Variants in TAFA1 observed in about 807,000 individuals in gnomAD.
TAFA1 encodes TAFA chemokine like family member 1, also known as chemokine-like protein TAFA-1.
In TAFA1, 4 loss-of-function variants were observed where a neutral mutation model predicts 18.5. That is an observed-to-expected ratio of 0.22 (90% CI 0.11 to 0.49). The LOEUF is 0.49. Ranked by LOEUF, TAFA1 falls within the 20% of genes least tolerant of loss-of-function variation. TAFA1 has a pLI of 0.98. For missense variants in TAFA1, 147 were observed against 169.0 expected (o/e 0.87, Z 0.72); for synonymous variants, 56 against 55.2 (o/e 1.01, Z -0.06).
At chr3:68,104,785 C>G (rs1311682143) in intron 2 of TAFA1, among the ~76,000 whole-genome samples, 1 of 152,110 alleles carries the variant, frequency 6.6e-6, no homozygotes, top group East Asian at 1.9e-4. Flanking sequence ...TTAGGGCATG[C>G]AAAGACTGAA....
At chr3:68,486,652 C>T (rs192358126) in intron 3 of TAFA1, among the ~76,000 whole-genome samples, 114 of 152,308 alleles carry the variant, frequency 7.5e-4, no homozygotes, top group Admixed American at 1.2e-3. Flanking sequence ...CAATACAAGA[C>T]ATATAGCAAA....
chr3:68,544,131 C>T (rs2073420150), intron 4 of TAFA1, among the ~76,000 whole-genome samples: 1 of 151,984 alleles, frequency 6.6e-6, no homozygotes, highest in Non-Finnish European at 1.5e-5. Flanking sequence ...CTCAAGATGG[C>T]AACAGAAGAA....
At chr3:68,373,765 T>G (rs1195460811) in intron 2 of TAFA1, among the ~76,000 whole-genome samples, 1 of 152,204 alleles carries the variant, frequency 6.6e-6, no homozygotes, top group African/African-American at 2.4e-5. Context: ...AATCTTAATT[T>G]GAGACCAGAT....
At chr3:68,470,541 A>T (rs115677174) in intron 3 of TAFA1, among the ~76,000 whole-genome samples, 1 of 152,264 alleles carries the variant, frequency 6.6e-6, no homozygotes, top group Non-Finnish European at 1.5e-5. Context: ...AGTTCAGGAG[A>T]TGAGAAAATT....
intron 2 of TAFA1, among the ~76,000 whole-genome samples, chr3:68,312,038 C>G (rs1275822609): frequency 6.6e-6 from 1 of 152,214 alleles, no homozygotes; most frequent in Non-Finnish European, 1.5e-5. Context: ...CGTGTGGAAG[C>G]TGCCAAGGCT....
At chr3:68,166,883 C>A (rs1486592186) in intron 2 of TAFA1, among the ~76,000 whole-genome samples, 1 of 152,130 alleles carries the variant, frequency 6.6e-6, no homozygotes, top group Non-Finnish European at 1.5e-5. Flanking sequence ...GCCGTGAAGC[C>A]TTACCCAGTA....
At chr3:68,211,356 G>A (rs1022436920) in intron 2 of TAFA1, among the ~76,000 whole-genome samples, 1 of 151,960 alleles carries the variant, frequency 6.6e-6, no homozygotes, top group Non-Finnish European at 1.5e-5. Context: ...CATTTTCCTG[G>A]TGTGAAGGAT....
At chr3:68,199,113 T>C (rs1012525140) in intron 2 of TAFA1, among the ~76,000 whole-genome samples, 10 of 151,598 alleles carry the variant, frequency 6.6e-5, no homozygotes, top group Admixed American at 2.6e-4. Flanking sequence ...TTCAATCTTA[T>C]TTGTTAACAA....
At chr3:68,026,782 A>C (rs2106640658) in intron 2 of TAFA1, among the ~76,000 whole-genome samples, 1 of 152,326 alleles carries the variant, frequency 6.6e-6, no homozygotes, top group Middle Eastern at 3.4e-3. Context: ...TCTGAAAAAG[A>C]GTACACAGTT....
intron 3 of TAFA1, among the ~76,000 whole-genome samples, chr3:68,537,657 C>A (rs1270987703): frequency 6.6e-6 from 1 of 152,158 alleles, no homozygotes; most frequent in Admixed American, 6.5e-5. Flanking sequence ...AAATCTCCCC[C>A]ATGAAAGAAA....
intron 2 of TAFA1, among the ~76,000 whole-genome samples, chr3:68,117,632 A>T (rs771151917): frequency 3.3e-5 from 5 of 152,198 alleles, no homozygotes; most frequent in Non-Finnish European, 7.3e-5. Flanking sequence ...AGTAACCAGA[A>T]AAATCTGGGT....
intron 2 of TAFA1, among the ~76,000 whole-genome samples, chr3:68,144,058 GA>G (rs1373987023): frequency 1.3e-5 from 2 of 151,078 alleles, no homozygotes; most frequent in African/African-American, 4.9e-5. Flanking sequence ...TTTGAAAGAG[GA>G]AAAAAAGAAA....
At chr3:68,182,060 T>G (rs976034004) in intron 2 of TAFA1, among the ~76,000 whole-genome samples, 1 of 151,956 alleles carries the variant, frequency 6.6e-6, no homozygotes, top group Non-Finnish European at 1.5e-5. Flanking sequence ...CAAAAAACAT[T>G]AGCTGGGTGT....
At chr3:68,332,984 C>A (rs1340665300) in intron 2 of TAFA1, among the ~76,000 whole-genome samples, 2 of 152,084 alleles carry the variant, frequency 1.3e-5, no homozygotes, top group Non-Finnish European at 2.9e-5. Context: ...ATAGCTATTC[C>A]TAAAAAGTCA....
At chr3:68,525,129 C>A (rs1347413216) in intron 3 of TAFA1, among the ~76,000 whole-genome samples, 1 of 152,170 alleles carries the variant, frequency 6.6e-6, no homozygotes, top group Admixed American at 6.5e-5. Context: ...CCATCTGAAA[C>A]ATTGCTGCAT....
intron 2 of TAFA1, among the ~76,000 whole-genome samples, chr3:68,223,480 G>A (rs944776866): frequency 4.6e-5 from 7 of 151,590 alleles, no homozygotes; most frequent in African/African-American, 1.5e-4. Context: ...ATGTGTGTGT[G>A]TATATATGTA....
intron 2 of TAFA1, among the ~76,000 whole-genome samples, chr3:68,244,330 C>G (rs544018524): frequency 4.6e-5 from 7 of 152,140 alleles, no homozygotes; most frequent in African/African-American, 1.7e-4. Context: ...GACTCTTTGC[C>G]AAGTCCTAGG....
chr3:68,041,259 C>T (rs1705159211), intron 2 of TAFA1, among the ~76,000 whole-genome samples: 1 of 152,168 alleles, frequency 6.6e-6, no homozygotes, highest in East Asian at 1.9e-4. Context: ...TGAACATATC[C>T]TTCTTGCATG....
Position 68,058,724 on chromosome 3 carries a change from G to C in TAFA1, c.118+51980G>C, listed in dbSNP as rs1575595367. The stretch of plus-strand genomic sequence containing the variant: ...CTCAGAAAACAACTGGCTGCTGCTT[G>C]TTGAACAGAGTTGTATACTGATACC... On this transcript the variant is annotated intron_variant, in intron 2 of 4. Transcript: ENST00000478136. Among the ~76,000 whole-genome samples, 3 of 152,200 alleles carry C rather than the reference G, an allele frequency of 2.0e-5. No homozygotes were observed. The South Asian group carries it at 6.2e-4, about 31-fold the overall frequency.
Sources: gnomAD v4.1 joint callset for allele counts (sites outside exome capture counted in the v4.1 genomes callset) on GRCh38, gnomAD v4.1.1 for gene constraint, MANE v1.5 for transcripts, NCBI Gene and HGNC (gene_info 2026-07-23, HGNC 2026-07-21) for gene names.